Variants in BCR observed in about 807,000 individuals in gnomAD.
BCR encodes the protein breakpoint cluster region protein.
BCR carries 58 observed loss-of-function variants against 138.6 expected under a neutral mutation model. That is an observed-to-expected ratio of 0.42 (90% CI 0.34 to 0.52). The LOEUF is 0.52. Ranked by LOEUF, BCR falls within the 20% of genes least tolerant of loss-of-function variation. The pLI, the probability that BCR is intolerant of heterozygous loss-of-function variation, is 0.06. For missense variants in BCR, 1,599 were observed against 1,727.2 expected, an observed-to-expected ratio of 0.93 and a Z score of 1.32; for synonymous variants, 786 against 730.1, an observed-to-expected ratio of 1.08 and a Z score of -1.23.
chr22:23,186,055 A>T (rs1325140602), intron 1 of BCR, among the ~76,000 whole-genome samples: 1 of 152,198 alleles, frequency 6.6e-6, no homozygotes, highest in Admixed American at 6.5e-5. Context: ...GCGATCTGGG[A>T]ACTTACAAGT....
intron 1 of BCR, among the ~76,000 whole-genome samples, chr22:23,202,393 C>T (rs1453990552): frequency 2.0e-5 from 3 of 152,008 alleles, no homozygotes; most frequent in Admixed American, 6.6e-5. Context: ...CATTTTTAGC[C>T]GCACAGCTAA....
rs576307797 is a variant in BCR at position 23,300,178 on chromosome 22, C to G, written c.3012+5023C>G. Among the ~76,000 whole-genome samples the G allele has an allele frequency of 3.9e-4, 60 of 152,244 alleles. 1 individual carries two copies. Among genetic ancestry groups the G allele is most frequent in the South Asian group, 8.3e-4 (4 of 4,814 alleles). On this transcript the variant is annotated intron_variant, in intron 16 of 22. Transcript: ENST00000305877. ...TCTACACCCATTAAACAATAACTCC[C>G]AGGGGGGCAGGTGCAAAAAGAATAA...
intron 16 of BCR, 98 bp downstream of exon 16, chr22:23,295,253 G>A (rs183870837): frequency 2.5e-6 from 3 of 1,185,038 alleles, no homozygotes; most frequent in East Asian, 2.9e-5. Flanking sequence ...TGCACCCAGG[G>A]TGGGGTGGGG....
intron 11 of BCR, 134 bp downstream of exon 11, chr22:23,287,412 C>A: frequency 7.4e-7 from 1 of 1,359,052 alleles, no homozygotes; most frequent in South Asian, 1.5e-5. Context: ...CATGCAAGCA[C>A]GCACATTCCT....
At chr22:23,251,044 A>G (rs1168928893) in intron 1 of BCR, 1 of 152,246 alleles carries the variant, frequency 6.6e-6, no homozygotes, top group African/African-American at 2.4e-5. Context: ...TGGATTAAGG[A>G]GACCAGATTC....
At chr22:23,209,973 CT>C (rs2072663015) in intron 1 of BCR, among the ~76,000 whole-genome samples, 1 of 152,156 alleles carries the variant, frequency 6.6e-6, no homozygotes, top group Admixed American at 6.5e-5. Flanking sequence ...TTATTTGCCC[CT>C]CACCCACTTA....
At chr22:23,265,173 G>A (rs897003823) in intron 4 of BCR, among the ~76,000 whole-genome samples, 3 of 152,246 alleles carry the variant, frequency 2.0e-5, no homozygotes, top group African/African-American at 2.4e-5. Context: ...AACTTTGGAA[G>A]GTTTCCGCTG....
At chr22:23,207,356 G>A (rs1247036488) in intron 1 of BCR, among the ~76,000 whole-genome samples, 2 of 152,190 alleles carry the variant, frequency 1.3e-5, no homozygotes, top group Non-Finnish European at 2.9e-5. Context: ...GGACTCAAAA[G>A]GAGTATATTG....
At chr22:23,310,702 G>A (rs564473086) in intron 18 of BCR, among the ~76,000 whole-genome samples, 1 of 152,160 alleles carries the variant, frequency 6.6e-6, no homozygotes, top group Admixed American at 6.5e-5. Flanking sequence ...AATTTATCAC[G>A]GTCCCAGATT....
intron 12 of BCR, 94 bp from the exon 13 acceptor site, chr22:23,289,423 C>G (rs113204703): frequency 1.8e-6 from 2 of 1,088,338 alleles, no homozygotes; most frequent in Non-Finnish European, 2.7e-6. Context: ...TGCCGTGCCC[C>G]TTCCCCAGGG....
rs16802 is a variant in BCR at position 23,290,326 on chromosome 22, A to G, written c.2708-13A>G. 0.29 allele frequency: 467,427 copies of G among 1,611,640 alleles called. 72,546 individuals are homozygous for G. Among genetic ancestry groups the G allele is most frequent in the African/African-American group, 0.53 (39,277 of 74,806 alleles). On this transcript the variant is annotated splice_polypyrimidine_tract_variant and intron_variant, in intron 13 of 22. Transcript: ENST00000305877. Reference sequence around the variant, plus strand: ...GGGACAACAGAAGCTGACCTCTTTGATCTCTTGCGCAGATGATGAGTCTCC... The same window carrying G: ...GGGACAACAGAAGCTGACCTCTTTGGTCTCTTGCGCAGATGATGAGTCTCC...
In BCR at chr22:23,182,112, C is replaced by G. The variant is rs763553519; in HGVS notation, c.1152C>G (p.Pro384=). ...SQQSFDSSSP[P]TPQCHKRHRH... ...AGTCCTTCGACAGCAGCAGTCCCCC[C>G]ACGCCGCAGTGCCATAAGCGGCACC... Residue 384 remains proline (P), a synonymous_variant, in exon 1 of 23, where the codon CCC becomes CCG. Transcript: ENST00000305877. 1.9e-6 allele frequency: 3 copies of G among 1,612,464 alleles called. No individual in the cohort carries two copies. Among genetic ancestry groups the G allele is most frequent in the South Asian group, 1.1e-5 (1 of 91,074 alleles).
chr22:23,289,863 G>C (rs2073764310), intron 13 of BCR: 6 of 565,836 alleles, frequency 1.1e-5, no homozygotes, highest in South Asian at 6.3e-5. Flanking sequence ...TCTGTTCCTA[G>C]TCACAAGGCT....
intron 6 of BCR, 143 bp downstream of exon 6, chr22:23,271,735 C>T (rs2073511577): frequency 1.3e-6 from 1 of 782,686 alleles, no homozygotes; most frequent in Non-Finnish European, 2.1e-6. Context: ...ATAGAGTGGG[C>T]ACGAGGAAAG....
At chr22:23,250,320 G>A (rs898195421) in intron 1 of BCR, among the ~76,000 whole-genome samples, 11 of 152,336 alleles carry the variant, frequency 7.2e-5, no homozygotes, top group South Asian at 6.2e-4. Flanking sequence ...TCTTAAGATC[G>A]TCTTCAGATA....
chr22:23,253,702 G>T, intron 1 of BCR, 97 bp from the exon 2 acceptor site: 1 of 1,429,994 alleles, frequency 7.0e-7, no homozygotes, highest in Non-Finnish European at 9.6e-7. Context: ...TGCCTGTTGG[G>T]GACAGAGATG....
Position 23,180,998 on chromosome 22 carries a change from C to G in BCR, c.38C>G (p.Ala13Gly), listed in dbSNP as rs199561166. Residue 13 changes from alanine to glycine, a missense_variant, in exon 1 of 23, where the codon GCG becomes GGG. Transcript: ENST00000305877. ...GTGGGCTTCGCGGAGGCGTGGAAGG[C>G]GCAGTTCCCGGACTCAGAGCCCCCG... Reference protein sequence around the residue: ...DPVGFAEAWKAQFPDSEPPRM... With the variant: ...DPVGFAEAWKGQFPDSEPPRM... The G allele has an allele frequency of 6.8e-7, 1 of 1,463,744 alleles. No individual in the cohort carries two copies. Among genetic ancestry groups the G allele is most frequent in the South Asian group, 1.4e-5 (1 of 73,066 alleles). The allele number at this position is 1,463,744 out of a possible 1,614,324, so 90.7% of individuals were successfully genotyped here.
intron 1 of BCR, among the ~76,000 whole-genome samples, chr22:23,206,397 A>ACC (rs1288317695): frequency 7.9e-5 from 12 of 152,214 alleles, no homozygotes; most frequent in African/African-American, 9.6e-5. Context: ...ACACGGTGAA[A>ACC]CCATGTCTCT....
intron 1 of BCR, among the ~76,000 whole-genome samples, chr22:23,238,564 A>C (rs74366362): frequency 0.031 from 4,709 of 152,074 alleles, 272 homozygotes; most frequent in African/African-American, 0.11. Flanking sequence ...TTCAACCTTC[A>C]TCTGTAAAAT....
Sources: allele counts gnomAD v4.1 joint callset (sites outside exome capture counted in the v4.1 genomes callset), GRCh38; gene constraint gnomAD v4.1.1; transcripts MANE v1.5; gene names NCBI Gene and HGNC (gene_info 2026-07-23, HGNC 2026-07-21).